Variants in CSGALNACT1 observed in about 807,000 individuals in gnomAD.
The protein encoded by CSGALNACT1 is chondroitin sulfate N-acetylgalactosaminyltransferase 1, also known as beta4GalNAcT-1.
Under a neutral mutation model 51.0 loss-of-function variants are expected in CSGALNACT1, and 52 were observed. The observed-to-expected ratio is 1.02, with a 90% CI of 0.82 to 1.29. The LOEUF (loss-of-function observed/expected upper bound fraction) is 1.29, where lower values mean the gene tolerates loss of function less well. Ranked by LOEUF, CSGALNACT1 falls within the 50% of genes most tolerant of loss-of-function variation. CSGALNACT1 has a pLI of 0.00. For missense variants in CSGALNACT1, 935 were observed against 679.2 expected, an observed-to-expected ratio of 1.38 and a Z score of -4.19; for synonymous variants, 341 against 254.4, an observed-to-expected ratio of 1.34 and a Z score of -3.24.
At chr8:19,451,771 A>G (rs1363977689) in intron 5 of CSGALNACT1, among the ~76,000 whole-genome samples, 1 of 152,214 alleles carries the variant, frequency 6.6e-6, no homozygotes, top group African/African-American at 2.4e-5. Flanking sequence ...TTTTCTAGGT[A>G]AATAATTAAC....
At chr8:19,485,624 G>A (rs1350431512) in intron 4 of CSGALNACT1, among the ~76,000 whole-genome samples, 1 of 152,038 alleles carries the variant, frequency 6.6e-6, no homozygotes, top group Non-Finnish European at 1.5e-5. Flanking sequence ...AAGACAAGAT[G>A]AGATTAATCA....
At chr8:19,440,051 A>G in intron 5 of CSGALNACT1, 120 bp from the exon 5 acceptor site, 3 of 802,410 alleles carry the variant, frequency 3.7e-6, no homozygotes, top group Admixed American at 3.9e-5. Context: ...AACTTCCAGG[A>G]GAGCCGAGAT....
At chr8:19,499,173 G>A (rs983053900) in intron 4 of CSGALNACT1, among the ~76,000 whole-genome samples, 2 of 152,138 alleles carry the variant, frequency 1.3e-5, no homozygotes, top group Non-Finnish European at 2.9e-5. Flanking sequence ...CAAATCCTCT[G>A]ACCGACCCAT....
At chr8:19,558,394 C>A (rs567489729) in intron 3 of CSGALNACT1, among the ~76,000 whole-genome samples, 1 of 152,122 alleles carries the variant, frequency 6.6e-6, no homozygotes, top group African/African-American at 2.4e-5. Context: ...CTTCTTAACA[C>A]TATTTTAGAA....
chr8:19,648,098 A>T (rs1282948714), intron 1 of CSGALNACT1, among the ~76,000 whole-genome samples: 1 of 152,214 alleles, frequency 6.6e-6, no homozygotes, highest in Non-Finnish European at 1.5e-5. Context: ...GAGTTAGTGA[A>T]TATAATGACA....
At chr8:19,630,888 C>G (rs1426810409) in intron 1 of CSGALNACT1, among the ~76,000 whole-genome samples, 1 of 152,168 alleles carries the variant, frequency 6.6e-6, no homozygotes, top group Non-Finnish European at 1.5e-5. Context: ...ACACCCGCCT[C>G]CCTACAGTTT....
chr8:19,534,132 C>T (rs1465433389), intron 3 of CSGALNACT1, among the ~76,000 whole-genome samples: 4 of 152,000 alleles, frequency 2.6e-5, no homozygotes, highest in Non-Finnish European at 5.9e-5. Flanking sequence ...TTGATGTTAG[C>T]AAGTTCATAG....
chr8:19,452,179 A>T (rs1174376058), intron 5 of CSGALNACT1, among the ~76,000 whole-genome samples: 1 of 152,168 alleles, frequency 6.6e-6, no homozygotes, highest in Non-Finnish European at 1.5e-5. Flanking sequence ...TCCTGGCCCC[A>T]CTGACCGCCT....
intron 4 of CSGALNACT1, among the ~76,000 whole-genome samples, chr8:19,466,844 T>C (rs992636425): frequency 6.6e-6 from 1 of 152,246 alleles, no homozygotes; most frequent in African/African-American, 2.4e-5. Context: ...TCAGTGGCTC[T>C]GGACTTGTCC....
intron 4 of CSGALNACT1, among the ~76,000 whole-genome samples, chr8:19,476,801 A>G (rs1266448230): frequency 6.6e-6 from 1 of 152,186 alleles, no homozygotes; most frequent in Non-Finnish European, 1.5e-5. Context: ...CAGCAGTCCC[A>G]GTGCTCATGT....
chr8:19,554,572 A>T (rs915803756), intron 3 of CSGALNACT1, among the ~76,000 whole-genome samples: 1 of 47,872 alleles, frequency 2.1e-5, no homozygotes, highest in Admixed American at 1.7e-4. Flanking sequence ...CTGATATACC[A>T]GGAAATAACT....
At chr8:19,553,952 T>C (rs2088989558) in intron 3 of CSGALNACT1, among the ~76,000 whole-genome samples, 2 of 150,774 alleles carry the variant, frequency 1.3e-5, no homozygotes, top group African/African-American at 4.9e-5. Flanking sequence ...GCTTGGAAGA[T>C]AAACCTGAAG....
chr8:19,478,578 TA>T (rs2070464146), intron 4 of CSGALNACT1, among the ~76,000 whole-genome samples: 22 of 152,132 alleles, frequency 1.4e-4, no homozygotes, highest in Non-Finnish European at 7.4e-5. Flanking sequence ...AATGATTCCA[TA>T]ATCCAGTGAT....
At chr8:19,727,017 C>G (rs2063435732) in intron 1 of CSGALNACT1, among the ~76,000 whole-genome samples, 1 of 152,180 alleles carries the variant, frequency 6.6e-6, no homozygotes, top group Non-Finnish European at 1.5e-5. Flanking sequence ...AACTCCAGCA[C>G]TTTTATTCCC....
chr8:19,484,015 C>T lies in CSGALNACT1; in HGVS notation c.634+21186G>A, dbSNP rs562387469. On this transcript the variant is annotated intron_variant, in intron 4 of 9. Transcript: ENST00000454498. Reference sequence around the variant, plus strand: ...CCATCCTGTCCAGGATGTGAATCATCACTTTGTCCTGCATACCTAGGCAGT... The same window carrying T: ...CCATCCTGTCCAGGATGTGAATCATTACTTTGTCCTGCATACCTAGGCAGT... Among the ~76,000 whole-genome samples, 13 of 152,302 alleles carry T rather than the reference C, an allele frequency of 8.5e-5. No individual in the cohort carries two copies. The East Asian group carries it at 2.3e-3, about 27-fold the overall frequency.
At chr8:19,695,273 G>T (rs964504299) in intron 1 of CSGALNACT1, among the ~76,000 whole-genome samples, 1 of 152,014 alleles carries the variant, frequency 6.6e-6, no homozygotes, top group Non-Finnish European at 1.5e-5. Context: ...AAAATAAAAC[G>T]TGGACGTTTC....
intron 4 of CSGALNACT1, among the ~76,000 whole-genome samples, chr8:19,502,925 T>C (rs933772632): frequency 4.6e-5 from 7 of 151,578 alleles, no homozygotes; most frequent in African/African-American, 1.7e-4. Flanking sequence ...ACCCAGTTGA[T>C]GATAGAATTC....
chr8:19,657,443 A>C (rs140850514), intron 1 of CSGALNACT1, among the ~76,000 whole-genome samples: 5 of 152,326 alleles, frequency 3.3e-5, no homozygotes, highest in African/African-American at 1.2e-4. Flanking sequence ...ACATCAATCT[A>C]AAGTTGCAGA....
chr8:19,695,692 C>A (rs979451348), intron 1 of CSGALNACT1, among the ~76,000 whole-genome samples: 3 of 152,082 alleles, frequency 2.0e-5, no homozygotes, highest in Admixed American at 6.6e-5. Context: ...AATGTCAAGA[C>A]AAAGGAACAT....
Sources: allele counts gnomAD v4.1 joint callset (sites outside exome capture counted in the v4.1 genomes callset), GRCh38; gene constraint gnomAD v4.1.1; transcripts MANE v1.5; gene names NCBI Gene and HGNC (gene_info 2026-07-23, HGNC 2026-07-21).